The following ALKBH8 variants were observed in gnomAD, a reference collection of about 807,000 sequenced individuals.
ALKBH8 encodes the protein alkB homolog 8, tRNA methyltransferase, also known as tRNA (carboxymethyluridine(34)-5-O)-methyltransferase ALKBH8.
ALKBH8 carries 36 observed loss-of-function variants against 59.8 expected under a neutral mutation model. That is an observed-to-expected ratio of 0.60 (90% confidence interval 0.46 to 0.79). The LOEUF (loss-of-function observed/expected upper bound fraction) is 0.79. Among genes scored for constraint, ALKBH8 ranks in the 30% least tolerant of loss-of-function variants. ALKBH8 has a pLI of 0.00. For missense variants in ALKBH8, 768 were observed against 801.0 expected (o/e 0.96, Z 0.50); for synonymous variants, 276 against 273.6 (o/e 1.01, Z -0.09).
chr11:107,513,858 A>C (rs1591252226), intron 10 of ALKBH8, among the ~76,000 whole-genome samples: 2 of 152,288 alleles, frequency 1.3e-5, no homozygotes, highest in East Asian at 3.9e-4. Context: ...ATGGACACGA[A>C]GAAGGGAACA....
intron 7 of ALKBH8, among the ~76,000 whole-genome samples, chr11:107,540,123 G>C (rs1863977918): frequency 6.6e-6 from 1 of 152,128 alleles, no homozygotes; most frequent in Admixed American, 6.5e-5. Context: ...TGGTGTAGAA[G>C]CTTTCCTAGT....
intron 7 of ALKBH8, among the ~76,000 whole-genome samples, chr11:107,543,342 AAAG>A (rs1864124431): frequency 6.6e-6 from 1 of 152,224 alleles, no homozygotes; most frequent in Admixed American, 6.5e-5. Flanking sequence ...CTCAAAAAAA[AAAG>A]AAGAATGTTA....
intron 1 of ALKBH8, among the ~76,000 whole-genome samples, chr11:107,562,368 C>G (rs568388473): frequency 6.7e-6 from 1 of 149,170 alleles, no homozygotes; most frequent in East Asian, 2.0e-4. Context: ...GTGCCATGTA[C>G]TGAAGGATAA....
intron 10 of ALKBH8, among the ~76,000 whole-genome samples, chr11:107,516,397 T>C (rs1472812898): frequency 6.6e-6 from 1 of 152,166 alleles, no homozygotes; most frequent in Non-Finnish European, 1.5e-5. Flanking sequence ...AAACTGAATA[T>C]TCACATGCAG....
chr11:107,532,210 G>A, intron 8 of ALKBH8, 90 bp downstream of exon 8: 1 of 1,028,308 alleles, frequency 9.7e-7, no homozygotes, highest in Non-Finnish European at 1.4e-6. Flanking sequence ...GCCTCAATCT[G>A]CAGGCACAGG....
At chr11:107,505,861 G>T (rs547892075) in intron 11 of ALKBH8, among the ~76,000 whole-genome samples, 1 of 152,334 alleles carries the variant, frequency 6.6e-6, no homozygotes, top group African/African-American at 2.4e-5. Flanking sequence ...TTAGTGGCCT[G>T]AACAGATAGG....
intron 6 of ALKBH8, among the ~76,000 whole-genome samples, chr11:107,550,299 G>A (rs1019383467): frequency 1.3e-5 from 2 of 152,182 alleles, no homozygotes; most frequent in African/African-American, 4.8e-5. Flanking sequence ...GTTGCTACAC[G>A]GTGAGGGTAT....
chr11:107,519,206 A>T lies in ALKBH8; in HGVS notation c.1287+3093T>A, dbSNP rs562127257. ...CTGCAACCTCCGCCTCCCAGGCTCA[A>T]GTGATTCTCCTGCCTCAGCCTCCCA... On this transcript the variant is annotated intron_variant, in intron 10 of 11. Transcript: ENST00000428149. Among the ~76,000 whole-genome samples the T allele has an allele frequency of 5.3e-5, 8 of 152,216 alleles. No homozygotes were observed. The South Asian group carries it at 1.7e-3, about 32-fold the overall frequency.
intron 2 of ALKBH8, 77 bp from the exon 3 acceptor site, chr11:107,557,080 T>C: frequency 1.8e-6 from 2 of 1,107,576 alleles, no homozygotes; most frequent in Admixed American, 2.9e-5. Context: ...AAAATAAGAT[T>C]TTTTTTAAAA....
rs553235868 is a variant in ALKBH8 at position 107,504,981 on chromosome 11, G to A, written c.1672C>T (p.Pro558Ser). The A allele has an allele frequency of 7.7e-6, 12 of 1,551,552 alleles. No homozygotes were observed. Among genetic ancestry groups the A allele is most frequent in the Non-Finnish European group, 9.6e-6 (11 of 1,146,788 alleles). The change falls in exon 12 of 12, where the codon CCC (proline) becomes TCC (serine). Residue 558 changes from proline to serine, a missense_variant. Pro to Ser is a moderately conservative substitution (Grantham distance 74). Coordinates refer to ENST00000428149, the MANE Select transcript of ALKBH8 (RefSeq NM_138775.3). The stretch of plus-strand genomic sequence containing the variant: ...CCTTCCTGAGAGTCATTAATGCGGG[G>A]GACAGAAGATGCCGAGTCTCGACTG... ...MGSRDSASSVPRINDSQEGGC... is the reference protein window; with the variant it reads ...MGSRDSASSVSRINDSQEGGC...
rs145051723 is a variant in ALKBH8, at chr11:107,556,961, G to C, written c.172C>G (p.Arg58Gly). 3 of 1,608,156 alleles carry C rather than the reference G, an allele frequency of 1.9e-6. No individual in the cohort carries two copies. The East Asian group carries it at 6.7e-5, about 36-fold the overall frequency. The stretch of plus-strand genomic sequence containing the variant: ...TCTAAAACCGGGAGCAGCTGGTTCC[G>C]ACTCACACCATTACCCAAACCACCA... Reference protein sequence around the residue: ...ANGGLGNGVSRNQLLPVLEKC... With the variant: ...ANGGLGNGVSGNQLLPVLEKC... Residue 58 changes from arginine to glycine, a missense_variant, in exon 3 of 12, where the codon CGG (arginine) becomes GGG (glycine). Coordinates refer to ENST00000428149, the MANE Select transcript of ALKBH8 (RefSeq NM_138775.3).
chr11:107,506,756 C>G (rs1246008346), intron 11 of ALKBH8, among the ~76,000 whole-genome samples: 2 of 152,102 alleles, frequency 1.3e-5, no homozygotes, highest in African/African-American at 4.8e-5. Context: ...CAGATACACA[C>G]AAGCTGAGAG....
chr11:107,564,928 C>T (rs1235496480), intron 1 of ALKBH8, among the ~76,000 whole-genome samples: 1 of 152,160 alleles, frequency 6.6e-6, no homozygotes, highest in Non-Finnish European at 1.5e-5. Context: ...GCTGTCTTAC[C>T]TCCTAAACCT....
At chr11:107,536,434 T>C (rs1863817861) in intron 7 of ALKBH8, among the ~76,000 whole-genome samples, 1 of 152,174 alleles carries the variant, frequency 6.6e-6, no homozygotes, top group African/African-American at 2.4e-5. Context: ...CAGGACAACC[T>C]GAAGGCTGAA....
chr11:107,510,916 T>C lies in ALKBH8; in HGVS notation c.1408A>G (p.Ile470Val). ...RSGSCDACISIAVIHHFATAE... is the reference protein window; with the variant it reads ...RSGSCDACISVAVIHHFATAE... ...GTTGCAAAATGATGAATAACAGCAA[T>C]GGAGATGCAGGCATCACAAGACCCA... The change falls in exon 11 of 12, where the codon ATT becomes GTT. Residue 470 changes from isoleucine to valine, a missense_variant. Transcript: ENST00000428149. The C allele has an allele frequency of 1.9e-6, 3 of 1,551,604 alleles. No individual in the cohort carries two copies. Among genetic ancestry groups the C allele is most frequent in the South Asian group, 1.2e-5 (1 of 84,024 alleles).
At chr11:107,526,074 A>C (rs918742115) in intron 8 of ALKBH8, among the ~76,000 whole-genome samples, 1 of 152,038 alleles carries the variant, frequency 6.6e-6, no homozygotes, top group East Asian at 1.9e-4. Flanking sequence ...ATTCTTATAC[A>C]CATCATTTTT....
At chr11:107,555,982 T>C (rs953888407) in intron 3 of ALKBH8, among the ~76,000 whole-genome samples, 120 of 152,276 alleles carry the variant, frequency 7.9e-4, no homozygotes, top group South Asian at 2.3e-3. Context: ...AGCACCACCA[T>C]AAAGTTTTAG....
intron 2 of ALKBH8, among the ~76,000 whole-genome samples, chr11:107,559,734 A>G (rs1000430688): frequency 6.6e-6 from 1 of 152,194 alleles, no homozygotes; most frequent in African/African-American, 2.4e-5. Flanking sequence ...AGACATTAAT[A>G]TTTAACTCCA....
intron 10 of ALKBH8, among the ~76,000 whole-genome samples, chr11:107,512,815 ATGCTC>A (rs1862695126): frequency 1.3e-5 from 2 of 152,298 alleles, no homozygotes; most frequent in Non-Finnish European, 2.9e-5. Context: ...AAGACTATGA[ATGCTC>A]ATATCAAAAC....
Sources: gnomAD v4.1 joint callset for allele counts (sites outside exome capture counted in the v4.1 genomes callset) on GRCh38, gnomAD v4.1.1 for gene constraint, MANE v1.5 for transcripts, NCBI Gene and HGNC (gene_info 2026-07-23, HGNC 2026-07-21) for gene names.